Variants in GABBR2 observed in about 807,000 individuals in gnomAD.
The protein encoded by GABBR2 is gamma-aminobutyric acid type B receptor subunit 2, also known as G-protein coupled receptor 51.
A neutral mutation model predicts 105.6 loss-of-function variants in GABBR2; 23 were observed. The observed-to-expected ratio is 0.22, with a 90% CI of 0.16 to 0.31. The LOEUF (loss-of-function observed/expected upper bound fraction) is 0.31. Ranked by LOEUF, GABBR2 falls within the 10% of genes least tolerant of loss-of-function variation. GABBR2 has a pLI of 1.00. For missense variants in GABBR2, 734 were observed against 1,245.5 expected (o/e 0.59, Z 6.18); for synonymous variants, 478 against 499.7 (o/e 0.96, Z 0.58).
rs1477989373 is a variant in GABBR2 at position 98,381,252 on chromosome 9, G to A, written c.1662+4388C>T. On this transcript the variant is annotated intron_variant, in intron 11 of 18. Coordinates refer to ENST00000259455, the MANE Select transcript of GABBR2 (RefSeq NM_005458.8). Reference sequence around the variant, plus strand: ...TTACAGATGAGAAAACTGAGGTTAAGTCACTTGCTGCAGTCAGGAGCTAGT... The same window carrying A: ...TTACAGATGAGAAAACTGAGGTTAAATCACTTGCTGCAGTCAGGAGCTAGT... Among the ~76,000 whole-genome samples the A allele has an allele frequency of 2.0e-5, 3 of 152,234 alleles. No individual in the cohort carries two copies. In the East Asian group the frequency reaches 5.8e-4, roughly 29 times the overall value.
chr9:98,507,337 T>C (rs1001210739), intron 3 of GABBR2, among the ~76,000 whole-genome samples: 2 of 151,570 alleles, frequency 1.3e-5, no homozygotes, highest in Admixed American at 1.3e-4. Flanking sequence ...AGGAGGGAGG[T>C]AGAAAAGTCA....
chr9:98,477,125 G>T (rs992718194), intron 5 of GABBR2, among the ~76,000 whole-genome samples: 4 of 152,294 alleles, frequency 2.6e-5, no homozygotes, highest in African/African-American at 9.6e-5. Flanking sequence ...GGCCATGCCA[G>T]TTCTCTCCTG....
intron 1 of GABBR2, among the ~76,000 whole-genome samples, chr9:98,635,431 G>C (rs567861891): frequency 3.3e-5 from 5 of 152,332 alleles, no homozygotes; most frequent in Admixed American, 1.3e-4. Context: ...CAGAGGGCTA[G>C]AGAGGAATGG....
intron 2 of GABBR2, among the ~76,000 whole-genome samples, chr9:98,558,474 T>C (rs1828620437): frequency 6.6e-6 from 1 of 152,266 alleles, no homozygotes; most frequent in Non-Finnish European, 1.5e-5. Flanking sequence ...TGTGCCATTC[T>C]GGGCTTGTCC....
At chr9:98,704,682 G>A (rs1830871567) in intron 1 of GABBR2, among the ~76,000 whole-genome samples, 1 of 152,122 alleles carries the variant, frequency 6.6e-6, no homozygotes, top group Non-Finnish European at 1.5e-5. Flanking sequence ...TTTTTGTGTA[G>A]ATGGATTATG....
chr9:98,601,894 C>A (rs1316054541), intron 1 of GABBR2, among the ~76,000 whole-genome samples: 2 of 152,172 alleles, frequency 1.3e-5, no homozygotes, highest in South Asian at 2.1e-4. Context: ...CAGCTGCCTG[C>A]GATTGCCAAA....
intron 3 of GABBR2, among the ~76,000 whole-genome samples, chr9:98,539,395 G>C (rs914230674): frequency 6.6e-6 from 1 of 152,216 alleles, no homozygotes; most frequent in African/African-American, 2.4e-5. Flanking sequence ...CAGGAAGCTA[G>C]AGAAGAAAAG....
chr9:98,509,665 T>C (rs1827595638), intron 3 of GABBR2, among the ~76,000 whole-genome samples: 1 of 152,080 alleles, frequency 6.6e-6, no homozygotes. Flanking sequence ...GAAGAAAGGG[T>C]ATCAGGGATG....
intron 8 of GABBR2, among the ~76,000 whole-genome samples, chr9:98,400,195 T>TA (rs1564052284): frequency 2.5e-4 from 37 of 145,996 alleles, no homozygotes; most frequent in African/African-American, 8.7e-4. Context: ...TTTTTTTTTT[T>TA]TAAAAAAAAA....
At chr9:98,528,654 C>A (rs935266937) in intron 3 of GABBR2, among the ~76,000 whole-genome samples, 2 of 151,886 alleles carry the variant, frequency 1.3e-5, no homozygotes, top group Non-Finnish European at 2.9e-5. Flanking sequence ...GTGCCAACAA[C>A]ATGAACAGCC....
chr9:98,395,371 A>G (rs1376145875), intron 8 of GABBR2, among the ~76,000 whole-genome samples: 2 of 152,128 alleles, frequency 1.3e-5, no homozygotes, highest in Non-Finnish European at 2.9e-5. Context: ...GTGGAGCATC[A>G]AGGCAGAGAT....
chr9:98,570,528 T>C (rs935710994), intron 2 of GABBR2, among the ~76,000 whole-genome samples: 1 of 152,160 alleles, frequency 6.6e-6, no homozygotes, highest in African/African-American at 2.4e-5. Context: ...AACTCCCTCT[T>C]GCTAGCATCT....
chr9:98,498,327 A>G (rs958242805), intron 3 of GABBR2, among the ~76,000 whole-genome samples: 1 of 152,202 alleles, frequency 6.6e-6, no homozygotes, highest in African/African-American at 2.4e-5. Flanking sequence ...TTGCACAAAC[A>G]TGTGAACATA....
intron 7 of GABBR2, among the ~76,000 whole-genome samples, chr9:98,441,112 C>T (rs1826023763): frequency 6.6e-6 from 1 of 152,144 alleles, no homozygotes; most frequent in Non-Finnish European, 1.5e-5. Flanking sequence ...AATGCACATT[C>T]TTAGGTTTCT....
At chr9:98,438,510 G>C (rs953324841) in intron 7 of GABBR2, among the ~76,000 whole-genome samples, 5 of 152,214 alleles carry the variant, frequency 3.3e-5, no homozygotes, top group Non-Finnish European at 5.9e-5. Context: ...ACTGAAAACA[G>C]AGATAAATCT....
rs1047701020 is a variant in GABBR2, at chr9:98,388,280, C to T, written c.1529+574G>A. On this transcript the variant is annotated intron_variant, in intron 10 of 18. Transcript: ENST00000259455. This position sits in a 1 kb window ranked among gnomAD's most constrained non-coding sequence, Gnocchi z 4.4. ...CCACGAGTGGACAGCAGCACTCTGT[C>T]GCTGAACTTCAGGGCTTTTCTCTGT... 5.3e-5 allele frequency among the ~76,000 whole-genome samples: 8 copies of T among 152,156 alleles called. No individual in the cohort carries two copies. The East Asian group carries it at 5.8e-4, about 11-fold the overall frequency.
chr9:98,660,271 T>C (rs1253487966), intron 1 of GABBR2, among the ~76,000 whole-genome samples: 1 of 152,200 alleles, frequency 6.6e-6, no homozygotes. Context: ...GGTTTTAAAG[T>C]TGTTTGATAA....
At chr9:98,511,778 CA>C (rs1422660435) in intron 3 of GABBR2, among the ~76,000 whole-genome samples, 3 of 151,996 alleles carry the variant, frequency 2.0e-5, no homozygotes, top group Non-Finnish European at 2.9e-5. Context: ...GATTACCAAC[CA>C]AAAAAATTCC....
intron 6 of GABBR2, among the ~76,000 whole-genome samples, chr9:98,458,534 T>C (rs1261299851): frequency 6.6e-6 from 1 of 152,074 alleles, no homozygotes; most frequent in East Asian, 1.9e-4. Flanking sequence ...CAAAACCCCA[T>C]CTCTACTAAA....
Sources: allele counts gnomAD v4.1 joint callset (sites outside exome capture counted in the v4.1 genomes callset), GRCh38; gene constraint gnomAD v4.1.1; non-coding constraint Gnocchi (gnomAD v3.1); transcripts MANE v1.5; gene names NCBI Gene and HGNC (gene_info 2026-07-23, HGNC 2026-07-21).